The following ZMYM6 variants were observed in gnomAD, a reference collection of about 807,000 sequenced individuals.
ZMYM6 encodes zinc finger MYM-type protein 6.
ZMYM6 carries 90 observed loss-of-function variants against 134.0 expected under a neutral mutation model. The observed-to-expected ratio is 0.67, with a 90% confidence interval of 0.57 to 0.80. The LOEUF (loss-of-function observed/expected upper bound fraction) is 0.80. Ranked by LOEUF, ZMYM6 falls within the 30% of genes least tolerant of loss-of-function variation. ZMYM6 has a pLI of 0.00. For missense variants in ZMYM6, 1,362 were observed against 1,533.9 expected (o/e 0.89, Z 1.87); for synonymous variants, 481 against 524.1 (o/e 0.92, Z 1.12).
chr1:35,005,109 A>C, intron 13 of ZMYM6, 23 bp downstream of exon 13: 1 of 1,613,362 alleles, frequency 6.2e-7, no homozygotes, highest in Non-Finnish European at 8.5e-7. Flanking sequence ...GGCTTAGCCA[A>C]ATGCCATTAT....
intron 13 of ZMYM6, among the ~76,000 whole-genome samples, chr1:35,004,525 C>G (rs1484782767): frequency 6.6e-6 from 1 of 152,074 alleles, no homozygotes; most frequent in South Asian, 2.1e-4. Context: ...AGAAGAATCG[C>G]TTGAACTCGG....
intron 4 of ZMYM6, among the ~76,000 whole-genome samples, chr1:35,015,661 T>C (rs1248552315): frequency 1.4e-5 from 2 of 143,390 alleles, no homozygotes; most frequent in African/African-American, 5.4e-5. Context: ...GAGGTGGAGG[T>C]TGCAGTGAGC....
At chr1:35,011,096 T>TTTTC (rs1318670510) in intron 8 of ZMYM6, 60 bp from the exon 9 acceptor site, 4 of 1,508,154 alleles carry the variant, frequency 2.7e-6, no homozygotes, top group Non-Finnish European at 3.6e-6. Context: ...AACTTTGTAC[T>TTTTC]TTTCATTTCC....
chr1:34,988,614 A>G lies in ZMYM6; in HGVS notation c.2468T>C (p.Leu823Pro). 6.5e-7 allele frequency: 1 copy of G among 1,549,452 alleles called. No individual in the cohort carries two copies. ...CQNSSLKKCL[L>P]VEKSLVKASY... ...AGCTTTCACAAGTGACTTTTCAACT[A>G]GTAAACACTTTTTTAAAGAACTATT... Residue 823 changes from leucine (L) to proline (P), a missense_variant, in exon 16 of 16, where the codon CTA becomes CCA. By Grantham distance (98) the Leu-to-Pro change is moderately conservative (BLOSUM62 -3). Coordinates refer to ENST00000357182, the MANE Select transcript of ZMYM6 (RefSeq NM_007167.4).
At chr1:35,006,586 C>A (rs1234962245) in intron 12 of ZMYM6, among the ~76,000 whole-genome samples, 2 of 152,214 alleles carry the variant, frequency 1.3e-5, no homozygotes, top group South Asian at 2.1e-4. Flanking sequence ...TAACTATACT[C>A]TCCCTTTGTT....
intron 14 of ZMYM6, 100 bp downstream of exon 14, chr1:35,003,868 C>T: frequency 9.3e-7 from 1 of 1,080,050 alleles, no homozygotes; most frequent in Non-Finnish European, 1.4e-6. Context: ...GACCCTCTTC[C>T]AGCAAAAAGA....
chr1:34,993,833 G>GCCA (rs1052238912), intron 14 of ZMYM6, among the ~76,000 whole-genome samples: 1 of 151,768 alleles, frequency 6.6e-6, no homozygotes, highest in Non-Finnish European at 1.5e-5. Flanking sequence ...ACAAGCACCC[G>GCCA]CCACCACGCC....
intron 2 of ZMYM6, among the ~76,000 whole-genome samples, chr1:35,021,490 C>G (rs976296451): frequency 2.0e-5 from 3 of 151,720 alleles, no homozygotes; most frequent in Admixed American, 6.6e-5. Context: ...CGTGGTGGCT[C>G]ACACCTATAG....
rs1641104634 is a variant in ZMYM6, at chr1:35,012,520, A to G, written c.857T>C (p.Ile286Thr). Residue 286 changes from isoleucine to threonine, a missense_variant, in exon 7 of 16, where the codon ATT becomes ACT. Ile to Thr is a moderately conservative substitution (Grantham distance 89). Coordinates refer to ENST00000357182, the MANE Select transcript of ZMYM6 (RefSeq NM_007167.4). The part of the protein sequence containing the change: ...GKSLRPSAEM[I>T]ETTNDSGKTE... Reference sequence around the variant, plus strand: ...TTTTCCTGAATCATTTGTAGTCTCAATCATTTCAGCTGAGGGCCTCAATGA... The same window carrying G: ...TTTTCCTGAATCATTTGTAGTCTCAGTCATTTCAGCTGAGGGCCTCAATGA... 6.2e-7 allele frequency: 1 copy of G among 1,613,484 alleles called. No homozygotes were observed. Among genetic ancestry groups the G allele is most frequent in the Non-Finnish European group, 8.5e-7 (1 of 1,179,766 alleles).
chr1:35,023,799 T>G (rs147681453), intron 2 of ZMYM6, among the ~76,000 whole-genome samples: 5,261 of 151,900 alleles, frequency 0.035, 134 homozygotes, highest in Non-Finnish European at 0.054. Flanking sequence ...TTTTTTTGTA[T>G]TTTTAGTAGA....
intron 6 of ZMYM6, chr1:35,013,125 C>T (rs1569777229): frequency 1.2e-6 from 1 of 863,196 alleles, no homozygotes; most frequent in East Asian, 1.2e-4. Context: ...CTACCATTTA[C>T]ATAACCAATA....
chr1:35,019,839 A>AT (rs914264499), intron 3 of ZMYM6, among the ~76,000 whole-genome samples: 20 of 151,366 alleles, frequency 1.3e-4, no homozygotes, highest in African/African-American at 4.8e-4. Flanking sequence ...CACCCAGCTA[A>AT]TTTTTTTTTA....
chr1:34,988,549 G>A lies in ZMYM6; in HGVS notation c.2533C>T (p.Pro845Ser), dbSNP rs1288562110. 2.6e-6 allele frequency: 4 copies of A among 1,551,252 alleles called. No individual in the cohort carries two copies. In the East Asian group the frequency reaches 7.3e-5, roughly 28 times the overall value. The change falls in exon 16 of 16, where the codon CCA becomes TCA. Residue 845 changes from proline (P) to serine (S), a missense_variant. Around this residue, in one of 3 missense-constraint regions of ZMYM6, gnomAD observed 824 missense variants for 940.9 expected, o/e 0.88. Transcript: ENST00000357182. ...IAFQTAASKK[P>S]FSIAEELIKP... ...ATTAATTCTTCAGCAATGGAGAATG[G>A]CTTCTTGCTTGCAGCAGTTTGGAAA... is the stretch of plus-strand genomic sequence containing the variant.
chr1:35,000,571 G>T (rs1014787677), intron 14 of ZMYM6, among the ~76,000 whole-genome samples: 1 of 152,034 alleles, frequency 6.6e-6, no homozygotes, highest in Non-Finnish European at 1.5e-5. Context: ...ACCTGGAAAC[G>T]ATCTAATGTT....
intron 2 of ZMYM6, among the ~76,000 whole-genome samples, chr1:35,021,060 G>A (rs1389566680): frequency 1.3e-5 from 2 of 151,416 alleles, no homozygotes; most frequent in East Asian, 3.9e-4. Flanking sequence ...TCCAAATGCT[G>A]AGCACTACCT....
chr1:35,005,518 G>A (rs1344070545), intron 12 of ZMYM6, among the ~76,000 whole-genome samples: 1 of 151,362 alleles, frequency 6.6e-6, no homozygotes, highest in African/African-American at 2.4e-5. Flanking sequence ...TACAGGTATT[G>A]GATACAGTGG....
At chr1:35,026,256 A>C (rs1246628070) in intron 2 of ZMYM6, among the ~76,000 whole-genome samples, 2 of 152,160 alleles carry the variant, frequency 1.3e-5, no homozygotes, top group Non-Finnish European at 2.9e-5. Context: ...CCTGACCTCA[A>C]GGGATCTGCC....
intron 2 of ZMYM6, 133 bp downstream of exon 2, chr1:35,030,414 G>A (rs1302188920): frequency 3.8e-6 from 3 of 791,464 alleles, no homozygotes; most frequent in South Asian, 3.7e-5. Flanking sequence ...CACCCTCAGC[G>A]ACAGCGAGAG....
chr1:35,006,077 G>C (rs112494487), intron 12 of ZMYM6, among the ~76,000 whole-genome samples: 7 of 152,124 alleles, frequency 4.6e-5, no homozygotes, highest in African/African-American at 1.7e-4. Context: ...GCATGATCTC[G>C]GCTCACTGTA....
Sources: allele counts gnomAD v4.1 joint callset (sites outside exome capture counted in the v4.1 genomes callset), GRCh38; gene constraint gnomAD v4.1.1; regional missense constraint gnomAD v4.1.1; transcripts MANE v1.5; gene names NCBI Gene and HGNC (gene_info 2026-07-23, HGNC 2026-07-21).